The following TLK1 variants were observed in gnomAD, a reference collection of about 807,000 sequenced individuals.
TLK1 encodes tousled like kinase 1, also known as serine/threonine-protein kinase tousled-like 1.
In TLK1, 24 loss-of-function variants were observed where a neutral mutation model predicts 105.3. The observed-to-expected ratio is 0.23, with a 90% confidence interval of 0.17 to 0.32. The LOEUF (loss-of-function observed/expected upper bound fraction) is 0.32, where lower values mean the gene tolerates loss of function less well. TLK1 is among the 10% of genes least tolerant of loss of function. The pLI is 1.00. For synonymous variants in TLK1, 321 were observed against 310.4 expected, an observed-to-expected ratio of 1.03 and a Z score of -0.36; for missense variants, 558 against 910.5, an observed-to-expected ratio of 0.61 and a Z score of 4.98.
intron 3 of TLK1, among the ~76,000 whole-genome samples, chr2:171,077,784 A>T (rs1438701371): frequency 1.3e-5 from 2 of 152,272 alleles, no homozygotes; most frequent in Non-Finnish European, 2.9e-5. Flanking sequence ...AATAGAATAT[A>T]CAAGTGTAAA....
At chr2:171,120,850 T>C (rs1206925366) in intron 1 of TLK1, among the ~76,000 whole-genome samples, 1 of 152,212 alleles carries the variant, frequency 6.6e-6, no homozygotes, top group Non-Finnish European at 1.5e-5. Context: ...CAAACACATT[T>C]ACAGCAGCAT....
chr2:171,081,406 C>T (rs1688747281), intron 3 of TLK1, among the ~76,000 whole-genome samples: 1 of 152,080 alleles, frequency 6.6e-6, no homozygotes. Flanking sequence ...CTCTTCATAA[C>T]ACAAATGTCT....
chr2:171,039,538 G>A (rs1254712741), intron 11 of TLK1, among the ~76,000 whole-genome samples: 1 of 152,200 alleles, frequency 6.6e-6, no homozygotes, highest in Non-Finnish European at 1.5e-5. Context: ...GATTACAGGT[G>A]TGAGCCACCA....
At chr2:171,052,160 T>C (rs1025734420) in intron 8 of TLK1, among the ~76,000 whole-genome samples, 2 of 151,936 alleles carry the variant, frequency 1.3e-5, no homozygotes, top group African/African-American at 4.8e-5. Context: ...CTTGGGAGCC[T>C]GAGGTAGAAA....
rs553968325 is a variant in TLK1 at position 171,230,905 on chromosome 2, A to G, written c.-6+240T>C. On this transcript the variant is annotated intron_variant, in intron 1 of 20. Transcript: ENST00000521943. The stretch of plus-strand genomic sequence containing the variant: ...GACTTCAGTTTCCACTATCAAGTGT[A>G]CCCGTATATCTGGAGCCAAAAGCAG... Among the ~76,000 whole-genome samples the G allele has an allele frequency of 9.8e-5, 15 of 152,286 alleles. No individual in the cohort carries two copies. In the South Asian group the frequency reaches 1.7e-3, roughly 17 times the overall value.
At chr2:171,092,778 A>G (rs1689291298) in intron 2 of TLK1, among the ~76,000 whole-genome samples, 1 of 152,144 alleles carries the variant, frequency 6.6e-6, no homozygotes, top group East Asian at 1.9e-4. Flanking sequence ...CAAACCAAGG[A>G]CACTAAATGG....
intron 1 of TLK1, among the ~76,000 whole-genome samples, chr2:171,192,647 T>A (rs913439625): frequency 1.3e-5 from 2 of 151,964 alleles, no homozygotes; most frequent in Non-Finnish European, 2.9e-5. Context: ...GCCACTGCAC[T>A]CCAGCCTGGG....
intron 2 of TLK1, among the ~76,000 whole-genome samples, chr2:171,100,414 C>T (rs1689637849): frequency 6.6e-6 from 1 of 152,050 alleles, no homozygotes; most frequent in African/African-American, 2.4e-5. Context: ...GGATTTAGTT[C>T]CAGCAAGAGC....
chr2:171,142,473 T>A (rs1235360163), intron 1 of TLK1, among the ~76,000 whole-genome samples: 1 of 152,182 alleles, frequency 6.6e-6, no homozygotes, highest in Non-Finnish European at 1.5e-5. Context: ...AGTTAGTGTA[T>A]CTGCCTTAAC....
intron 1 of TLK1, among the ~76,000 whole-genome samples, chr2:171,216,656 GAC>G (rs1164802336): frequency 6.6e-6 from 1 of 152,086 alleles, no homozygotes; most frequent in African/African-American, 2.4e-5. Flanking sequence ...CTTAGAATAT[GAC>G]CTTATTTAGA....
chr2:171,010,628 AAAAAAAAAAAAAG>A (rs1234837865), intron 14 of TLK1, among the ~76,000 whole-genome samples: 1 of 149,366 alleles, frequency 6.7e-6, no homozygotes, highest in Non-Finnish European at 1.5e-5. Flanking sequence ...TAAAGTACAA[AAAAAAAAAAAAAG>A]AAAGGCATAA....
At chr2:171,018,203 G>C (rs967057384) in intron 12 of TLK1, among the ~76,000 whole-genome samples, 4 of 152,136 alleles carry the variant, frequency 2.6e-5, no homozygotes, top group African/African-American at 9.7e-5. Context: ...AAGGAGCACA[G>C]AGAAAAGGCC....
At chr2:171,182,467 C>G (rs1692943708) in intron 1 of TLK1, among the ~76,000 whole-genome samples, 1 of 152,022 alleles carries the variant, frequency 6.6e-6, no homozygotes, top group Admixed American at 6.6e-5. Flanking sequence ...GGATCTAAGT[C>G]AAATCAAAAG....
intron 11 of TLK1, among the ~76,000 whole-genome samples, chr2:171,028,925 A>C (rs1685906461): frequency 7.0e-6 from 1 of 143,038 alleles, no homozygotes; most frequent in African/African-American, 2.6e-5. Context: ...GCATTATGTT[A>C]ATTTGGACTG....
At chr2:171,078,937 G>A (rs1414969685) in intron 3 of TLK1, among the ~76,000 whole-genome samples, 1 of 152,086 alleles carries the variant, frequency 6.6e-6, no homozygotes, top group Non-Finnish European at 1.5e-5. Context: ...TGTTTCAATG[G>A]CTCTCTACCT....
At chr2:171,158,710 G>C (rs564493768) in intron 1 of TLK1, among the ~76,000 whole-genome samples, 3 of 152,022 alleles carry the variant, frequency 2.0e-5, no homozygotes, top group South Asian at 2.1e-4. Flanking sequence ...ACAAACAAAA[G>C]TAAAAGCATG....
rs951331241 is a variant in TLK1 at position 171,073,879 on chromosome 2, C to CT, written c.330+8901_330+8902insA. ...AGAGAATAAACTTAACATTCCCCCC[C>CT]CCCCTCCTTTTTTTTTCTTTCTTTT... On this transcript the variant is annotated intron_variant, in intron 3 of 20. Transcript: ENST00000431350. Among the ~76,000 whole-genome samples the CT allele has an allele frequency of 1.3e-4, 13 of 97,048 alleles. No individual in the cohort carries two copies. In the South Asian group the frequency reaches 5.2e-3, roughly 39 times the overall value. 63.7% of individuals were successfully genotyped at this position (97,048 alleles called of 152,430 possible).
At chr2:171,014,502 G>T (rs1394648699) in intron 13 of TLK1, among the ~76,000 whole-genome samples, 5 of 151,826 alleles carry the variant, frequency 3.3e-5, no homozygotes, top group Admixed American at 6.6e-5. Flanking sequence ...GCCTGGCTAG[G>T]GACTACTATT....
chr2:170,993,986 T>C, intron 20 of TLK1, 30 bp from the exon 21 acceptor site: 1 of 1,553,432 alleles, frequency 6.4e-7, no homozygotes, highest in Non-Finnish European at 8.7e-7. Flanking sequence ...TGTTAGCAAT[T>C]AATGATCTTT....
Sources: gnomAD v4.1 joint callset for allele counts (sites outside exome capture counted in the v4.1 genomes callset) on GRCh38, gnomAD v4.1.1 for gene constraint, MANE v1.5 for transcripts, NCBI Gene and HGNC (gene_info 2026-07-23, HGNC 2026-07-21) for gene names.